CNGA1: variants seen among roughly 807,000 people sequenced by gnomAD.
The protein encoded by CNGA1 is cyclic nucleotide gated channel subunit alpha 1.
In CNGA1, 53 loss-of-function variants were observed where a neutral mutation model predicts 69.7. The ratio of observed to expected loss-of-function variants is 0.76; its 90% CI spans 0.61 to 0.96. The LOEUF (loss-of-function observed/expected upper bound fraction) is 0.96, where lower values mean the gene tolerates loss of function less well. Ranked by LOEUF, CNGA1 falls within the 40% of genes least tolerant of loss-of-function variation. The probability of loss-of-function intolerance (pLI) is 0.00; values close to 1 mark genes in which losing one functional copy is unlikely to be tolerated. For missense variants in CNGA1, 739 were observed against 811.2 expected (o/e 0.91, Z 1.08); for synonymous variants, 249 against 283.5 (o/e 0.88, Z 1.22).
intron 6 of CNGA1, 48 bp from the exon 7 acceptor site, chr4:47,943,460 C>G: frequency 8.7e-7 from 1 of 1,155,554 alleles, no homozygotes; most frequent in African/African-American, 1.6e-5. Flanking sequence ...GTCTTCCACT[C>G]TTATTTACTT....
intron 8 of CNGA1, 49 bp downstream of exon 8, chr4:47,943,132 A>T: frequency 7.6e-7 from 1 of 1,321,700 alleles, no homozygotes; most frequent in Non-Finnish European, 1.1e-6. Context: ...CCCTGCATCT[A>T]AAACCCATCA....
At chr4:47,979,950 T>C (rs1368711907) in intron 3 of CNGA1, among the ~76,000 whole-genome samples, 1 of 152,234 alleles carries the variant, frequency 6.6e-6, no homozygotes, top group Non-Finnish European at 1.5e-5. Flanking sequence ...ATTTACACTT[T>C]CCTCATTAAT....
intron 3 of CNGA1, among the ~76,000 whole-genome samples, chr4:47,956,054 G>A (rs577091687): frequency 6.6e-6 from 1 of 152,312 alleles, no homozygotes; most frequent in South Asian, 2.1e-4. Flanking sequence ...TTCATGATCT[G>A]CAAAAACTGA....
intron 3 of CNGA1, among the ~76,000 whole-genome samples, chr4:47,961,338 A>C (rs1740424725): frequency 6.6e-6 from 1 of 152,174 alleles, no homozygotes; most frequent in Non-Finnish European, 1.5e-5. Context: ...CCAGCCTCCC[A>C]TTGAGTAAGG....
chr4:47,936,675 C>T lies in CNGA1; in HGVS notation c.1807G>A (p.Gly603Ser), dbSNP rs1238937393. The T allele has an allele frequency of 1.2e-6, 2 of 1,614,092 alleles. No homozygotes were observed. The highest frequency in any genetic ancestry group is 1.1e-5 in the South Asian group (1 of 91,082). ...TTTGCAATGTTTAGATCCAGTAGAC[C>T]ATCTTTCATTAAAATCTGCTTCCCT... is the stretch of plus-strand genomic sequence containing the variant. ...EKGKQILMKD[G>S]LLDLNIANAG... The change falls in exon 11 of 11, where the codon GGT becomes AGT. Residue 603 changes from glycine to serine, a missense_variant. Physicochemically the swap from Gly to Ser is moderately conservative, Grantham distance 56. Coordinates refer to ENST00000514170, the MANE Select transcript of CNGA1 (RefSeq NM_001379270.1).
intron 10 of CNGA1, among the ~76,000 whole-genome samples, chr4:47,938,177 AAAAAAAAAAG>A (rs1387832437): frequency 2.2e-4 from 33 of 148,582 alleles, no homozygotes; most frequent in Admixed American, 9.3e-4. Flanking sequence ...CTGTCTCAAA[AAAAAAAAAAG>A]AAAAAAAAAG....
intron 3 of CNGA1, among the ~76,000 whole-genome samples, chr4:47,975,921 A>G (rs1741324310): frequency 6.6e-6 from 1 of 151,668 alleles, no homozygotes; most frequent in Admixed American, 6.6e-5. Flanking sequence ...TTTAATTATA[A>G]AAATTATTAA....
At chr4:47,984,637 A>C (rs1043263642) in intron 2 of CNGA1, among the ~76,000 whole-genome samples, 2 of 114,596 alleles carry the variant, frequency 1.7e-5, no homozygotes, top group African/African-American at 7.7e-5. Flanking sequence ...ACAAACAAAC[A>C]AATAAAAAAA....
intron 2 of CNGA1, among the ~76,000 whole-genome samples, chr4:47,986,322 AC>A (rs1333592384): frequency 1.3e-5 from 2 of 151,920 alleles, no homozygotes; most frequent in African/African-American, 4.8e-5. Context: ...CAGGAGAATG[AC>A]TTAAACCCAG....
intron 3 of CNGA1, among the ~76,000 whole-genome samples, chr4:47,979,980 C>G (rs1306875161): frequency 1.3e-5 from 2 of 152,196 alleles, no homozygotes; most frequent in East Asian, 3.9e-4. Flanking sequence ...TGACTGTGGC[C>G]TGTATAGTTT....
Position 47,952,654 on chromosome 4 carries a change from A to G in CNGA1, c.36T>C (p.Phe12=), listed in dbSNP as rs191905128. 49 of 1,609,450 alleles carry G rather than the reference A, an allele frequency of 3.0e-5. No individual in the cohort carries two copies. The highest frequency in any genetic ancestry group is 1.2e-4 in the Admixed American group (7 of 59,868). ...KNNIINTQQS[F]VTMPNVIVPD... ...GTACAATCACATTGGGCATGGTTACAAAAGACTGCTGTGTATTGATAATAT... is the reference window on the plus strand; with the variant it reads ...GTACAATCACATTGGGCATGGTTACGAAAGACTGCTGTGTATTGATAATAT... Residue 12 remains phenylalanine, a synonymous_variant, in exon 4 of 11, where the codon TTT becomes TTC. Coordinates refer to ENST00000514170, the MANE Select transcript of CNGA1 (RefSeq NM_001379270.1).
intron 6 of CNGA1, among the ~76,000 whole-genome samples, chr4:47,946,680 G>GTTGATTGATTA (rs1560623368): frequency 2.6e-5 from 4 of 152,238 alleles, no homozygotes; most frequent in Non-Finnish European, 5.9e-5. Flanking sequence ...GTATCAATCC[G>GTTGATTGATTA]TCATATGATG....
chr4:48,006,013 C>T (rs1714901746), intron 2 of CNGA1, among the ~76,000 whole-genome samples: 1 of 152,150 alleles, frequency 6.6e-6, no homozygotes, highest in Admixed American at 6.5e-5. Flanking sequence ...CTGTAAATAG[C>T]TTAAACATTT....
chr4:48,005,890 C>T (rs558030478), intron 2 of CNGA1, among the ~76,000 whole-genome samples: 4 of 152,230 alleles, frequency 2.6e-5, no homozygotes, highest in East Asian at 1.9e-4. Context: ...ACTGTATTGT[C>T]GTAAGTTAAG....
At chr4:47,945,489 T>C (rs924015033) in intron 6 of CNGA1, among the ~76,000 whole-genome samples, 1 of 152,176 alleles carries the variant, frequency 6.6e-6, no homozygotes, top group African/African-American at 2.4e-5. Context: ...ACAGGATCCA[T>C]GTTGATGTTG....
intron 2 of CNGA1, among the ~76,000 whole-genome samples, chr4:47,998,291 CAG>C (rs1282087304): frequency 1.3e-5 from 2 of 152,178 alleles, no homozygotes; most frequent in African/African-American, 2.4e-5. Flanking sequence ...CAGAAATCTG[CAG>C]AGAGGTCTTT....
chr4:47,938,080 G>A (rs1453254783), intron 10 of CNGA1, among the ~76,000 whole-genome samples: 4 of 151,094 alleles, frequency 2.6e-5, no homozygotes, highest in African/African-American at 9.7e-5. Flanking sequence ...GGGAGGCTGA[G>A]ACCCAATATC....
chr4:48,015,064 G>C (rs1442332913), intron 1 of CNGA1, among the ~76,000 whole-genome samples: 1 of 152,076 alleles, frequency 6.6e-6, no homozygotes, highest in Non-Finnish European at 1.5e-5. Flanking sequence ...TGTAGTCCCA[G>C]CTACTCGGGA....
chr4:48,015,510 G>T (rs1346434050), intron 1 of CNGA1, among the ~76,000 whole-genome samples: 1 of 152,150 alleles, frequency 6.6e-6, no homozygotes, highest in Non-Finnish European at 1.5e-5. Flanking sequence ...GAGTACATGA[G>T]AATATTTTCC....
Sources: gnomAD v4.1 joint callset for allele counts (sites outside exome capture counted in the v4.1 genomes callset) on GRCh38, gnomAD v4.1.1 for gene constraint, MANE v1.5 for transcripts, NCBI Gene and HGNC (gene_info 2026-07-23, HGNC 2026-07-21) for gene names.